The following ATXN1 variants were observed in gnomAD, a reference collection of about 807,000 sequenced individuals.
The protein encoded by ATXN1 is ataxin-1.
ATXN1 carries 8 observed loss-of-function variants against 56.4 expected under a neutral mutation model. The ratio of observed to expected loss-of-function variants is 0.14; its 90% CI spans 0.08 to 0.26. ATXN1 has a LOEUF of 0.26. ATXN1 is among the 10% of genes least tolerant of loss of function. The pLI, the probability that ATXN1 is intolerant of heterozygous loss-of-function variation, is 1.00. For missense variants in ATXN1, 987 were observed against 1,106.5 expected (o/e 0.89, Z 1.53); for synonymous variants, 514 against 494.6 (o/e 1.04, Z -0.52).
At chr6:16,511,565 C>A (rs1017914255) in intron 5 of ATXN1, among the ~76,000 whole-genome samples, 1 of 152,130 alleles carries the variant, frequency 6.6e-6, no homozygotes, top group African/African-American at 2.4e-5. Context: ...TAACAGAGGT[C>A]TTTTCTCCCT....
intron 3 of ATXN1, among the ~76,000 whole-genome samples, chr6:16,643,170 T>C (rs1000321936): frequency 6.6e-6 from 1 of 151,864 alleles, no homozygotes; most frequent in African/African-American, 2.4e-5. Flanking sequence ...CTTGGGAGGC[T>C]TGAACCCAGG....
At chr6:16,597,720 C>T (rs1432774473) in intron 3 of ATXN1, among the ~76,000 whole-genome samples, 1 of 152,150 alleles carries the variant, frequency 6.6e-6, no homozygotes, top group East Asian at 1.9e-4. Context: ...GATTTGCAGG[C>T]GTGAGCCACC....
chr6:16,668,219 G>C (rs539300643), intron 2 of ATXN1, among the ~76,000 whole-genome samples: 1 of 151,996 alleles, frequency 6.6e-6, no homozygotes, highest in East Asian at 1.9e-4. Flanking sequence ...TATTACTAAA[G>C]TTTTAGGGTA....
chr6:16,752,676 G>C (rs902686188), intron 2 of ATXN1, among the ~76,000 whole-genome samples: 6 of 152,034 alleles, frequency 3.9e-5, no homozygotes, highest in African/African-American at 1.2e-4. Flanking sequence ...TTCTTCAATA[G>C]AGAACCATGA....
chr6:16,445,639 C>G (rs1331116768), intron 6 of ATXN1, among the ~76,000 whole-genome samples: 4 of 151,282 alleles, frequency 2.6e-5, no homozygotes, highest in Non-Finnish European at 5.9e-5. Context: ...CGTCATCTAG[C>G]ATTAGGTGTA....
intron 7 of ATXN1, among the ~76,000 whole-genome samples, chr6:16,308,799 G>C (rs533591309): frequency 1.3e-5 from 2 of 152,270 alleles, no homozygotes; most frequent in East Asian, 3.9e-4. Flanking sequence ...CAAAATATCA[G>C]ATCTTAAAAA....
At chr6:16,667,747 T>C (rs1758456429) in intron 2 of ATXN1, among the ~76,000 whole-genome samples, 1 of 152,220 alleles carries the variant, frequency 6.6e-6, no homozygotes, top group Non-Finnish European at 1.5e-5. Flanking sequence ...CTTAACTCCC[T>C]TGGGTCAGTT....
chr6:16,408,101 G>A (rs1161323685), intron 6 of ATXN1, among the ~76,000 whole-genome samples: 4 of 152,104 alleles, frequency 2.6e-5, no homozygotes, highest in African/African-American at 7.2e-5. Context: ...AGGGGTGCAG[G>A]AAGAGACCGT....
At chr6:16,337,015 G>C (rs140648458) in intron 6 of ATXN1, among the ~76,000 whole-genome samples, 1 of 152,306 alleles carries the variant, frequency 6.6e-6, no homozygotes, top group African/African-American at 2.4e-5. Context: ...CCAGTGGGGA[G>C]TTGTTCTTTG....
chr6:16,436,857 T>G (rs761032191), intron 6 of ATXN1, among the ~76,000 whole-genome samples: 4 of 152,154 alleles, frequency 2.6e-5, no homozygotes, highest in Non-Finnish European at 4.4e-5. Context: ...TCATGCTGGC[T>G]GTTGCATGGA....
intron 3 of ATXN1, among the ~76,000 whole-genome samples, chr6:16,617,980 A>C (rs1182252270): frequency 2.0e-5 from 3 of 152,028 alleles, no homozygotes; most frequent in Non-Finnish European, 4.4e-5. Context: ...TGAGATAATA[A>C]AGAACTACAA....
intron 6 of ATXN1, among the ~76,000 whole-genome samples, chr6:16,484,058 T>TA (rs1405392511): frequency 4.6e-5 from 7 of 152,204 alleles, no homozygotes; most frequent in African/African-American, 1.4e-4. Flanking sequence ...AGGTTTTTTT[T>TA]AAAAAAATAA....
At chr6:16,664,314 C>T (rs1338191037) in intron 2 of ATXN1, among the ~76,000 whole-genome samples, 1 of 152,034 alleles carries the variant, frequency 6.6e-6, no homozygotes, top group African/African-American at 2.4e-5. Flanking sequence ...CAATCAGATT[C>T]GCAAGTGAAT....
chr6:16,455,645 G>A lies in ATXN1; in HGVS notation c.-161+30327C>T, dbSNP rs182599006. Among the ~76,000 whole-genome samples, 205 of 152,250 alleles carry A rather than the reference G, an allele frequency of 1.3e-3. 1 individual carries two copies. Among genetic ancestry groups the A allele is most frequent in the African/African-American group, 4.7e-3 (196 of 41,530 alleles). On this transcript the variant is annotated intron_variant, in intron 6 of 7. Transcript: ENST00000436367. ...GTTTATAGCAGCTTCATTCATAATC[G>A]TGAATGGGTACATGAACTGTGGTAC...
chr6:16,656,193 G>A (rs917577934), intron 3 of ATXN1, among the ~76,000 whole-genome samples: 1 of 152,016 alleles, frequency 6.6e-6, no homozygotes, highest in Non-Finnish European at 1.5e-5. Flanking sequence ...GGGACCCCCC[G>A]AGGACCTGGC....
intron 4 of ATXN1, among the ~76,000 whole-genome samples, chr6:16,571,850 A>G (rs1040316992): frequency 5.3e-5 from 8 of 151,910 alleles, no homozygotes; most frequent in African/African-American, 1.9e-4. Context: ...TTTTGTAGAG[A>G]TAGGGTCTCA....
In ATXN1 at chr6:16,328,009, G is replaced by C; in HGVS notation, c.302C>G (p.Thr101Arg). ...CGGGGTGGCGTACGCGGCAGGCAGCGTGGTGGCCACGGGGACAGACCTGGG... is the reference window on the plus strand; with the variant it reads ...CGGGGTGGCGTACGCGGCAGGCAGCCTGGTGGCCACGGGGACAGACCTGGG... ...SAPRSVPVATTLPAAYATPQP... is the reference protein window; with the variant it reads ...SAPRSVPVATRLPAAYATPQP... Residue 101 changes from threonine (T) to arginine (R), a missense_variant, in exon 7 of 8, where the codon ACG (threonine) becomes AGG (arginine). Around this residue, in one of 3 missense-constraint regions of ATXN1, gnomAD observed 723 missense variants for 791.7 expected, o/e 0.91. Coordinates refer to ENST00000436367, the MANE Select transcript of ATXN1 (RefSeq NM_001128164.2). The surrounding 1 kb of genome is among the most constrained non-coding windows in gnomAD (Gnocchi z 6.2). 6.2e-7 allele frequency: 1 copy of C among 1,613,666 alleles called. No individual in the cohort carries two copies. Among genetic ancestry groups the C allele is most frequent in the Non-Finnish European group, 8.5e-7 (1 of 1,179,758 alleles).
At chr6:16,368,490 G>A (rs551982489) in intron 6 of ATXN1, among the ~76,000 whole-genome samples, 58 of 151,998 alleles carry the variant, frequency 3.8e-4, no homozygotes, top group African/African-American at 1.4e-3. Context: ...GTCTCAATCG[G>A]GAAGCAGAGT....
intron 6 of ATXN1, among the ~76,000 whole-genome samples, chr6:16,422,775 C>A (rs1017304607): frequency 2.6e-5 from 4 of 152,178 alleles, no homozygotes; most frequent in African/African-American, 9.7e-5. Context: ...TACATGACAA[C>A]CAGGAACTCC....
Sources: gnomAD v4.1 joint callset for allele counts (sites outside exome capture counted in the v4.1 genomes callset) on GRCh38, gnomAD v4.1.1 for gene constraint, gnomAD v4.1.1 regional missense constraint, Gnocchi (gnomAD v3.1) non-coding constraint, MANE v1.5 for transcripts, NCBI Gene and HGNC (gene_info 2026-07-23, HGNC 2026-07-21) for gene names.